PRKX: variants seen among roughly 807,000 people sequenced by gnomAD.
PRKX encodes the protein cAMP-dependent protein kinase catalytic subunit PRKX.
In PRKX, 12 loss-of-function variants were observed where a neutral mutation model predicts 22.0. The observed-to-expected ratio is 0.54, with a 90% CI of 0.35 to 0.88. PRKX has a LOEUF of 0.88. Among genes scored for constraint, PRKX ranks in the 40% least tolerant of loss-of-function variants. The probability of loss-of-function intolerance (pLI) is 0.01; values close to 1 mark genes in which losing one functional copy is unlikely to be tolerated. For synonymous variants in PRKX, 134 were observed against 137.7 expected (o/e 0.97, Z 0.19); for missense variants, 217 against 308.0 (o/e 0.70, Z 2.21).
At chrX:3,681,541 G>C (rs1336607892) in intron 1 of PRKX, among the ~76,000 whole-genome samples, 2 of 108,972 alleles carry the variant, frequency 1.8e-5, no homozygotes, top group Non-Finnish European at 3.8e-5. Context: ...TGTAATCCCA[G>C]CTACTCCAAA....
At chrX:3,624,824 T>C (rs1200390297) in intron 5 of PRKX, among the ~76,000 whole-genome samples, 1 of 110,333 alleles carries the variant, frequency 9.1e-6, no homozygotes, top group Non-Finnish European at 1.9e-5. Context: ...CTTGCTACAT[T>C]GTCCAGGCTG....
chrX:3,640,689 A>G (rs1927060574), intron 4 of PRKX, among the ~76,000 whole-genome samples: 3 of 111,489 alleles, frequency 2.7e-5, no homozygotes, highest in African/African-American at 9.8e-5. Context: ...GCCGGGTAAA[A>G]TGAGGCTGAG....
intron 1 of PRKX, among the ~76,000 whole-genome samples, chrX:3,699,552 C>T (rs750585364): frequency 9.0e-6 from 1 of 110,930 alleles, no homozygotes; most frequent in African/African-American, 3.3e-5. Context: ...CGGGGTTTCA[C>T]CATTATGGCC....
intron 2 of PRKX, among the ~76,000 whole-genome samples, chrX:3,662,422 G>A (rs1402162550): frequency 5.4e-5 from 6 of 110,909 alleles, no homozygotes; most frequent in East Asian, 2.9e-4. Context: ...AGGGCCAGGC[G>A]CAGTGGCTCA....
chrX:3,697,360 A>G (rs1286540246), intron 1 of PRKX, among the ~76,000 whole-genome samples: 1 of 111,122 alleles, frequency 9.0e-6, no homozygotes, highest in Non-Finnish European at 1.9e-5. Context: ...AGCAACACCC[A>G]GTTTCTAAAA....
chrX:3,607,878 C>CTTTTTTT lies in PRKX; in HGVS notation c.*1084_*1090dup. 1 of 73,743 alleles carries CTTTTTTT rather than the reference C, an allele frequency of 1.4e-5. No homozygotes were observed. The allele number at this position is 73,743 out of a possible 1,213,427, so 6.1% of individuals were successfully genotyped here. A position where few individuals can be genotyped will look rare whatever the true frequency, so the allele number is the denominator to read the frequency against. ...TTCAAAAGCACAAAGCCATTGCCTT[C>CTTTTTTT]TTTTTTTTTTTTTTTTTTTTTGGAC... On this transcript the variant is annotated 3_prime_UTR_variant, in exon 9 of 9. Coordinates refer to ENST00000262848, the MANE Select transcript of PRKX (RefSeq NM_005044.5).
Position 3,622,159 on chromosome X carries a change from C to G in PRKX, c.816-843G>C, listed in dbSNP as rs1926570317. 3.7e-5 allele frequency among the ~76,000 whole-genome samples: 4 copies of G among 108,757 alleles called. No individual in the cohort carries two copies. In the South Asian group the frequency reaches 1.6e-3, roughly 44 times the overall value. 94.4% of individuals were successfully genotyped at this position (108,757 alleles called of 115,157 possible). A position where few individuals can be genotyped will look rare whatever the true frequency, so the allele number is the denominator to read the frequency against. On this transcript the variant is annotated intron_variant, in intron 5 of 8. Coordinates refer to ENST00000262848, the MANE Select transcript of PRKX (RefSeq NM_005044.5). ...AGTCAGTCTCAAAAAAAAACAAAAA[C>G]AAACAACAACAACGACAACAAAAAA...
chrX:3,665,463 G>T lies in PRKX; in HGVS notation c.335+9135C>A, dbSNP rs773499244. On this transcript the variant is annotated intron_variant, in intron 2 of 8. Coordinates refer to ENST00000262848, the MANE Select transcript of PRKX (RefSeq NM_005044.5). ...TGCACTCCAGCTGGGGTGACAGAGC[G>T]AGACTCCATCTCTAAAAAATAATAA... Among the ~76,000 whole-genome samples the T allele has an allele frequency of 2.7e-5, 3 of 110,464 alleles. No homozygotes were observed. The East Asian group carries it at 8.6e-4, about 32-fold the overall frequency.
intron 2 of PRKX, among the ~76,000 whole-genome samples, chrX:3,669,759 A>G (rs182619241): frequency 9.0e-6 from 1 of 111,711 alleles, no homozygotes; most frequent in East Asian, 2.8e-4. Flanking sequence ...CCCATCATCT[A>G]TCTACTCACC....
chrX:3,621,107 A>T (rs1926546240), intron 6 of PRKX, 152 bp downstream of exon 6: 2 of 463,197 alleles, frequency 4.3e-6, no homozygotes, highest in South Asian at 4.2e-5. Context: ...AGTAAAATTT[A>T]AAAAAATAAA....
chrX:3,618,401 T>A (rs1926482119), intron 6 of PRKX, among the ~76,000 whole-genome samples: 1 of 111,596 alleles, frequency 9.0e-6, no homozygotes, highest in Non-Finnish European at 1.9e-5. Context: ...GCGGATCACT[T>A]GAGCTCAGGA....
At chrX:3,620,303 A>G (rs1237373574) in intron 6 of PRKX, among the ~76,000 whole-genome samples, 2 of 112,460 alleles carry the variant, frequency 1.8e-5, no homozygotes, top group Admixed American at 1.9e-4. Context: ...TGAACCTTGA[A>G]GACATCGTGC....
intron 1 of PRKX, among the ~76,000 whole-genome samples, chrX:3,680,653 T>C (rs6567583): frequency 0.14 from 16,002 of 111,771 alleles, 1,300 homozygotes; most frequent in African/African-American, 0.31. Flanking sequence ...CCCGAATGTT[T>C]AGACAACTCA....
In PRKX at chrX:3,709,026, C is replaced by T. The variant is rs145953110; in HGVS notation, c.166+4062G>A. Among the ~76,000 whole-genome samples, 376 of 107,726 alleles carry T rather than the reference C, an allele frequency of 3.5e-3. 1 individual carries two copies. Among genetic ancestry groups the T allele is most frequent in the Non-Finnish European group, 5.3e-3 (276 of 52,091 alleles). 93.5% of individuals were successfully genotyped at this position (107,726 alleles called of 115,157 possible). A position where few individuals can be genotyped will look rare whatever the true frequency, so the allele number is the denominator to read the frequency against. On this transcript the variant is annotated intron_variant, in intron 1 of 8. Transcript: ENST00000262848. The stretch of plus-strand genomic sequence containing the variant: ...AGCACCTTTTGAAAACTAATAAAGC[C>T]TGAACAAGCCGGGCACGATGGCTCA...
chrX:3,671,595 G>A (rs935662610), intron 2 of PRKX, among the ~76,000 whole-genome samples: 3 of 111,818 alleles, frequency 2.7e-5, no homozygotes, highest in Admixed American at 9.6e-5. Flanking sequence ...ACCAGCACTC[G>A]GAGGAGCCGG....
rs184738139 is a variant in PRKX, at chrX:3,703,497, G to C, written c.166+9591C>G. Among the ~76,000 whole-genome samples, 301 of 110,472 alleles carry C rather than the reference G, an allele frequency of 2.7e-3. 7 individuals are homozygous for C. The Admixed American group carries it at 0.027, about 10-fold the overall frequency. On this transcript the variant is annotated intron_variant, in intron 1 of 8. Coordinates refer to ENST00000262848, the MANE Select transcript of PRKX (RefSeq NM_005044.5). ...GAAGGTGGAAGCCATCAGTGCTGGA[G>C]GGGGAAGGAATTTCCATCCTCGCAC... is the stretch of plus-strand genomic sequence containing the variant.
rs1928839026 is a variant in PRKX at position 3,713,523 on chromosome X, A to C, written c.-270T>G. 4.6e-6 allele frequency: 1 copy of C among 216,675 alleles called. No homozygotes were observed. The highest frequency in any genetic ancestry group is 8.4e-6 in the Non-Finnish European group (1 of 119,100). The allele number at this position is 216,675 out of a possible 1,213,427, so 17.9% of individuals were successfully genotyped here. ...CACCGAGTGCGGGACGACTGCGGGG[A>C]AGGCGGGGGCCGCGGCCCGGGCTGG... is the stretch of plus-strand genomic sequence containing the variant. On this transcript the variant is annotated 5_prime_UTR_variant, in exon 1 of 9. Transcript: ENST00000262848.
In PRKX at chrX:3,607,298, C is replaced by T. The variant is rs1365458617; in HGVS notation, c.*1671G>A. ...TGCATGAATCTGCAGATCTTCCTCG[C>T]GCAGGGGGCCATGCTAATCTCCTCT... On this transcript the variant is annotated 3_prime_UTR_variant, in exon 9 of 9. Coordinates refer to ENST00000262848, the MANE Select transcript of PRKX (RefSeq NM_005044.5). 1 of 111,729 alleles carries T rather than the reference C, an allele frequency of 9.0e-6. No individual in the cohort carries two copies. The highest frequency in any genetic ancestry group is 1.9e-5 in the Non-Finnish European group (1 of 53,193). The allele number at this position is 111,729 out of a possible 1,213,427, so 9.2% of individuals were successfully genotyped here. A position where few individuals can be genotyped will look rare whatever the true frequency, so the allele number is the denominator to read the frequency against.
chrX:3,663,459 CACACACACAA>C (rs1927651160), intron 2 of PRKX, among the ~76,000 whole-genome samples: 1 of 80,021 alleles, frequency 1.2e-5, no homozygotes, highest in Non-Finnish European at 2.4e-5. Context: ...CACACACACA[CACACACACAA>C]AAAAATTCAA....
Sources: allele counts gnomAD v4.1 joint callset (sites outside exome capture counted in the v4.1 genomes callset), GRCh38; gene constraint gnomAD v4.1.1; transcripts MANE v1.5; gene names NCBI Gene and HGNC (gene_info 2026-07-23, HGNC 2026-07-21).